Variants in SUPT3H observed in about 807,000 individuals in gnomAD.
The protein encoded by SUPT3H is SPT3 homolog, SAGA and STAGA complex component, also known as transcription initiation protein SPT3 homolog.
SUPT3H carries 44 observed loss-of-function variants against 44.3 expected under a neutral mutation model. That is an observed-to-expected ratio of 0.99 (90% CI 0.78 to 1.28). The LOEUF is 1.28. SUPT3H is among the 50% of genes most tolerant of loss of function. The pLI, the probability that SUPT3H is intolerant of heterozygous loss-of-function variation, is 0.00. For missense variants in SUPT3H, 380 were observed against 387.1 expected (o/e 0.98, Z 0.15); for synonymous variants, 124 against 125.6 (o/e 0.99, Z 0.09).
At chr6:44,931,122 G>A (rs892621981) in intron 10 of SUPT3H, among the ~76,000 whole-genome samples, 3 of 152,140 alleles carry the variant, frequency 2.0e-5, no homozygotes, top group African/African-American at 7.2e-5. Context: ...AGGAAATAAT[G>A]CAGACTTCAT....
At chr6:45,265,909 C>G (rs114815730) in intron 2 of SUPT3H, among the ~76,000 whole-genome samples, 1,722 of 151,918 alleles carry the variant, frequency 0.011, 16 homozygotes, top group Non-Finnish European at 0.019. Context: ...ATGTATCTAC[C>G]AAAAAGTGAT....
chr6:45,067,748 C>G (rs1295418807), intron 3 of SUPT3H, among the ~76,000 whole-genome samples: 3 of 145,402 alleles, frequency 2.1e-5, no homozygotes, highest in East Asian at 2.0e-4. Flanking sequence ...AAATGCAAAT[C>G]AAAACCACTA....
intron 6 of SUPT3H, among the ~76,000 whole-genome samples, chr6:44,997,378 T>C (rs1279712492): frequency 6.6e-6 from 1 of 151,854 alleles, no homozygotes. Context: ...ACATTTTTTG[T>C]TAATATAAAG....
At chr6:45,003,541 C>T (rs1450937786) in intron 6 of SUPT3H, 112 bp downstream of exon 6, 6 of 1,294,276 alleles carry the variant, frequency 4.6e-6, no homozygotes, top group Non-Finnish European at 5.2e-6. Flanking sequence ...AGACATAAAA[C>T]CACTGACTTA....
intron 2 of SUPT3H, among the ~76,000 whole-genome samples, chr6:45,301,978 C>A (rs1022826240): frequency 1.3e-5 from 2 of 152,148 alleles, no homozygotes; most frequent in Admixed American, 6.5e-5. Context: ...CTGTTAAGTG[C>A]CAAGTAAATG....
At position 45,031,078 on chromosome 6, in the gene SUPT3H, A is replaced by T. The variant is rs1457993496; in HGVS notation, c.187-10446T>A. ...TTCTTTGTCTCATAACATTTTTTAA[A>T]TGCCTATGATTTCATGTTTTAGTGA... is the stretch of plus-strand genomic sequence containing the variant. On this transcript the variant is annotated intron_variant, in intron 3 of 10. Transcript: ENST00000371459. 5.9e-5 allele frequency among the ~76,000 whole-genome samples: 9 copies of T among 152,198 alleles called. No homozygotes were observed. In the East Asian group the frequency reaches 1.7e-3, roughly 29 times the overall value.
intron 3 of SUPT3H, among the ~76,000 whole-genome samples, chr6:45,092,556 C>T (rs1304227125): frequency 2.0e-5 from 3 of 151,970 alleles, no homozygotes; most frequent in Admixed American, 6.6e-5. Flanking sequence ...TCTAGACCAG[C>T]CTGGCCAACA....
In SUPT3H at chr6:44,944,698, G is replaced by A. The variant is rs769489150; in HGVS notation, c.801+8612C>T. ...GATTGCTTGAGCCTGGGAGATTCAG[G>A]CTGCAGTGAGCTATGATCATGCTAC... On this transcript the variant is annotated intron_variant, in intron 9 of 10. Coordinates refer to ENST00000371459, the MANE Select transcript of SUPT3H (RefSeq NM_003599.4). Among the ~76,000 whole-genome samples the A allele has an allele frequency of 8.1e-5, 11 of 136,322 alleles. 1 individual carries two copies. Among genetic ancestry groups the A allele is most frequent in the Non-Finnish European group, 1.2e-4 (8 of 64,838 alleles). 89.4% of individuals were successfully genotyped at this position (136,322 alleles called of 152,430 possible). A position where few individuals can be genotyped will look rare whatever the true frequency, so the allele number is the denominator to read the frequency against.
intron 2 of SUPT3H, among the ~76,000 whole-genome samples, chr6:45,142,425 C>T (rs923834812): frequency 6.6e-6 from 1 of 151,956 alleles, no homozygotes; most frequent in Admixed American, 6.6e-5. Context: ...ATATAAAGGG[C>T]CTAAATGCTC....
chr6:45,119,685 A>C (rs1583645009), intron 2 of SUPT3H, among the ~76,000 whole-genome samples: 2 of 152,328 alleles, frequency 1.3e-5, no homozygotes, highest in African/African-American at 4.8e-5. Flanking sequence ...GAATTAGGTT[A>C]TGCAGTAAAA....
intron 3 of SUPT3H, among the ~76,000 whole-genome samples, chr6:45,069,431 A>C (rs1164110776): frequency 6.6e-6 from 1 of 152,202 alleles, no homozygotes. Context: ...AGAAGAGAGT[A>C]AGGAAAAAGG....
intron 2 of SUPT3H, among the ~76,000 whole-genome samples, chr6:45,195,550 AG>A (rs780229690): frequency 6.6e-6 from 1 of 152,204 alleles, no homozygotes; most frequent in Non-Finnish European, 1.5e-5. Flanking sequence ...AGTCATATTA[AG>A]AAAGGGAATT....
chr6:45,121,024 G>A (rs1001957009), intron 2 of SUPT3H, among the ~76,000 whole-genome samples: 1 of 152,022 alleles, frequency 6.6e-6, no homozygotes, highest in Admixed American at 6.6e-5. Flanking sequence ...TGATACTTTG[G>A]AACAGGTTGA....
chr6:45,256,048 G>A (rs888629291), intron 2 of SUPT3H, among the ~76,000 whole-genome samples: 4 of 152,096 alleles, frequency 2.6e-5, no homozygotes, highest in Admixed American at 6.5e-5. Context: ...GCGGGTGCCT[G>A]TAGTTCCAGC....
At chr6:44,908,742 A>G (rs1279538816) in intron 10 of SUPT3H, among the ~76,000 whole-genome samples, 2 of 152,144 alleles carry the variant, frequency 1.3e-5, no homozygotes, top group African/African-American at 2.4e-5. Flanking sequence ...AGGTATATAT[A>G]ATTCCTGACA....
chr6:44,857,902 T>C (rs1050434238), intron 10 of SUPT3H, among the ~76,000 whole-genome samples: 2 of 152,188 alleles, frequency 1.3e-5, no homozygotes, highest in African/African-American at 4.8e-5. Context: ...AAGTAAAGAC[T>C]TGTTCTCAGA....
At chr6:45,180,573 A>G (rs1812961411) in intron 2 of SUPT3H, among the ~76,000 whole-genome samples, 2 of 151,144 alleles carry the variant, frequency 1.3e-5, no homozygotes, top group Non-Finnish European at 3.0e-5. Flanking sequence ...GCATATCTAC[A>G]ACTATCTGAT....
At chr6:45,248,018 C>G (rs1284399903) in intron 2 of SUPT3H, among the ~76,000 whole-genome samples, 1 of 151,852 alleles carries the variant, frequency 6.6e-6, no homozygotes, top group Admixed American at 6.6e-5. Flanking sequence ...AACAGGACAC[C>G]CATATGCAGA....
chr6:45,354,748 C>T (rs1262894391), intron 2 of SUPT3H, among the ~76,000 whole-genome samples: 1 of 151,922 alleles, frequency 6.6e-6, no homozygotes, highest in Non-Finnish European at 1.5e-5. Context: ...CCCTGTATTC[C>T]CAGTACTTTG....
Sources: allele counts gnomAD v4.1 joint callset (sites outside exome capture counted in the v4.1 genomes callset), GRCh38; gene constraint gnomAD v4.1.1; transcripts MANE v1.5; gene names NCBI Gene and HGNC (gene_info 2026-07-23, HGNC 2026-07-21).